Variants in CFH observed in about 807,000 individuals in gnomAD.
CFH encodes complement factor H, also known as H factor 1 (complement).
Under a neutral mutation model 147.3 loss-of-function variants are expected in CFH, and 53 were observed. That is an observed-to-expected ratio of 0.36 (90% confidence interval 0.29 to 0.45). CFH has a LOEUF of 0.45. CFH is among the 20% of genes least tolerant of loss of function. The probability of loss-of-function intolerance (pLI) is 1.00; values close to 1 mark genes in which losing one functional copy is unlikely to be tolerated. For synonymous variants in CFH, 536 were observed against 489.4 expected, an observed-to-expected ratio of 1.10 and a Z score of -1.26; for missense variants, 1,380 against 1,498.0, an observed-to-expected ratio of 0.92 and a Z score of 1.30.
At chr1:196,701,472 A>G in intron 9 of CFH, 1 of 1,280,638 alleles carries the variant, frequency 7.8e-7, no homozygotes, top group Non-Finnish European at 1.1e-6. Context: ...TGTGTGTATT[A>G]TTCCAGCCAG....
rs1390753275 is a variant in CFH at position 196,725,178 on chromosome 1, A to G, written c.1754A>G (p.Asp585Gly). 1.2e-6 allele frequency: 2 copies of G among 1,613,882 alleles called. No individual in the cohort carries two copies. The highest frequency in any genetic ancestry group is 1.7e-6 in the Non-Finnish European group (2 of 1,179,862). ...CACTTAGTTCCTGATCGCAAGAAAGACCAGTATAAAGTTGGAGAGGTGTTG... is the reference window on the plus strand; with the variant it reads ...CACTTAGTTCCTGATCGCAAGAAAGGCCAGTATAAAGTTGGAGAGGTGTTG... ...DVHLVPDRKK[D>G]QYKVGEVLKF... is the part of the protein sequence containing the mutation. Residue 585 changes from aspartate (D) to glycine (G), a missense_variant, in exon 12 of 22, where the codon GAC (aspartate) becomes GGC (glycine). Around this residue, in one of 4 missense-constraint regions of CFH, gnomAD observed 830 missense variants for 821.4 expected, o/e 1.01. Transcript: ENST00000367429.
intron 17 of CFH, among the ~76,000 whole-genome samples, chr1:196,739,743 AC>A: frequency 6.6e-6 from 1 of 152,062 alleles, no homozygotes; most frequent in Middle Eastern, 3.4e-3. Context: ...AATGGTTCTA[AC>A]CCCTGCCTGT....
At chr1:196,693,816 T>C (rs992530614) in intron 9 of CFH, among the ~76,000 whole-genome samples, 14 of 152,114 alleles carry the variant, frequency 9.2e-5, no homozygotes, top group Non-Finnish European at 2.1e-4. Flanking sequence ...GTTAATCCAT[T>C]CATGTGTTGA....
At chr1:196,660,799 T>C (rs946819340) in intron 1 of CFH, among the ~76,000 whole-genome samples, 7 of 152,184 alleles carry the variant, frequency 4.6e-5, no homozygotes, top group Admixed American at 4.6e-4. Flanking sequence ...AAGAGATGTA[T>C]CCTTGTTTTC....
At chr1:196,711,195 G>A (rs1363638030) in intron 9 of CFH, among the ~76,000 whole-genome samples, 1 of 151,698 alleles carries the variant, frequency 6.6e-6, no homozygotes, top group Admixed American at 6.6e-5. Flanking sequence ...GATCTTTATT[G>A]TAGTATTTCT....
chr1:196,665,970 C>T (rs1173488027), intron 1 of CFH, among the ~76,000 whole-genome samples: 1 of 152,102 alleles, frequency 6.6e-6, no homozygotes, highest in Non-Finnish European at 1.5e-5. Context: ...CAAGTTTACA[C>T]AGTACGATAG....
intron 12 of CFH, 119 bp downstream of exon 12, chr1:196,725,416 T>A (rs2149108074): frequency 1.0e-6 from 1 of 961,832 alleles, no homozygotes; most frequent in Middle Eastern, 2.2e-4. Flanking sequence ...GTCAAATATT[T>A]GCCTGTGAAG....
At chr1:196,693,116 A>C (rs547209557) in intron 9 of CFH, among the ~76,000 whole-genome samples, 267 of 152,070 alleles carry the variant, frequency 1.8e-3, no homozygotes, top group Non-Finnish European at 2.8e-3. Flanking sequence ...ATGTACAGTC[A>C]ATTGTCAGTG....
At chr1:196,705,070 C>T (rs761999358) in intron 9 of CFH, among the ~76,000 whole-genome samples, 28 of 152,122 alleles carry the variant, frequency 1.8e-4, no homozygotes, top group Admixed American at 1.7e-3. Flanking sequence ...ACTAACCGTC[C>T]GGGGGAAATA....
intron 18 of CFH, chr1:196,741,061 C>T (rs992621351): frequency 2.1e-5 from 9 of 436,206 alleles, no homozygotes; most frequent in Non-Finnish European, 3.8e-5. Flanking sequence ...GGCACAGCTG[C>T]CTCTACTCAT....
Position 196,737,513 on chromosome 1 carries a change from G to C in CFH, c.2635G>C (p.Gly879Arg). The C allele has an allele frequency of 6.2e-7, 1 of 1,613,014 alleles. No homozygotes were observed. Among genetic ancestry groups the C allele is most frequent in the Non-Finnish European group, 8.5e-7 (1 of 1,179,446 alleles). Residue 879 changes from glycine to arginine, a missense_variant, in exon 17 of 22, where the codon GGA becomes CGA. Physicochemically the swap from Gly to Arg is moderately radical, Grantham distance 125 (BLOSUM62 -2). Transcript: ENST00000367429. ...PCSQPPQIEHGTINSSRSSQE... is the reference protein window; with the variant it reads ...PCSQPPQIEHRTINSSRSSQE... Reference sequence around the variant, plus strand: ...TTCACAACCACCTCAGATAGAACACGGAACCATTAATTCATCCAGGTCTTC... The same window carrying C: ...TTCACAACCACCTCAGATAGAACACCGAACCATTAATTCATCCAGGTCTTC...
rs1276701350 is a variant in CFH at position 196,713,756 on chromosome 1, T to C, written c.1358T>C (p.Ile453Thr). 3.8e-6 allele frequency: 6 copies of C among 1,594,290 alleles called. No individual in the cohort carries two copies. The highest frequency in any genetic ancestry group is 1.3e-5 in the African/African-American group (1 of 74,444). Reference protein sequence around the residue: ...IRVKTCSKSSIDIENGFISES... With the variant: ...IRVKTCSKSSTDIENGFISES... ...TTAGAAACATGTTCCAAATCAAGTA[T>C]AGATATTGAGAATGGGTTTATTTCT... is the stretch of plus-strand genomic sequence containing the variant. Residue 453 changes from isoleucine to threonine, a missense_variant, in exon 10 of 22, where the codon ATA (isoleucine) becomes ACA (threonine). Transcript: ENST00000367429.
At chr1:196,659,405 G>A (rs560402038) in intron 1 of CFH, among the ~76,000 whole-genome samples, 63 of 152,222 alleles carry the variant, frequency 4.1e-4, no homozygotes, top group African/African-American at 1.5e-3. Context: ...GAAGGTTCTT[G>A]GTTTTGTCCA....
intron 9 of CFH, among the ~76,000 whole-genome samples, chr1:196,706,048 C>T (rs757335296): frequency 1.4e-4 from 22 of 152,026 alleles, no homozygotes; most frequent in Non-Finnish European, 2.8e-4. Flanking sequence ...TTATGCACCA[C>T]GGACAACAGA....
At chr1:196,736,573 A>C (rs1669407447) in intron 15 of CFH, among the ~76,000 whole-genome samples, 1 of 152,062 alleles carries the variant, frequency 6.6e-6, no homozygotes, top group Non-Finnish European at 1.5e-5. Flanking sequence ...ATATGAAAAA[A>C]CTACAAGAAA....
At chr1:196,685,581 A>G (rs1211883825) in intron 7 of CFH, among the ~76,000 whole-genome samples, 1 of 152,060 alleles carries the variant, frequency 6.6e-6, no homozygotes, top group Non-Finnish European at 1.5e-5. Context: ...AAAACAACTA[A>G]CCTTTATTAT....
At chr1:196,700,474 T>C (rs1668417240) in intron 9 of CFH, among the ~76,000 whole-genome samples, 2 of 151,774 alleles carry the variant, frequency 1.3e-5, no homozygotes, top group African/African-American at 4.8e-5. Context: ...GCCAACATGG[T>C]GAAACCCTGT....
rs1668850115 is a variant in CFH, at chr1:196,715,566, T to C, written c.1520-27T>C. On this transcript the variant is annotated intron_variant, in intron 10 of 21. Transcript: ENST00000367429. Reference sequence around the variant, plus strand: ...ATTGTTTATTAGATGACATTAGAAATGACATTCTAAATTTTTTATGCACTA... The same window carrying C: ...ATTGTTTATTAGATGACATTAGAAACGACATTCTAAATTTTTTATGCACTA... The C allele has an allele frequency of 1.9e-6, 3 of 1,547,060 alleles. No homozygotes were observed. In the African/African-American group the frequency reaches 4.1e-5, roughly 21 times the overall value.
chr1:196,726,709 A>G (rs1669148001), intron 13 of CFH, 52 bp from the exon 14 acceptor site: 1 of 1,607,286 alleles, frequency 6.2e-7, no homozygotes, highest in African/African-American at 1.3e-5. Flanking sequence ...TTTGTATCTA[A>G]AACACATACA....
Sources: gnomAD v4.1 joint callset for allele counts (sites outside exome capture counted in the v4.1 genomes callset) on GRCh38, gnomAD v4.1.1 for gene constraint, gnomAD v4.1.1 regional missense constraint, MANE v1.5 for transcripts, NCBI Gene and HGNC (gene_info 2026-07-23, HGNC 2026-07-21) for gene names.